Variants in NTRK2 observed in about 807,000 individuals in gnomAD.
NTRK2 encodes BDNF/NT-3 growth factors receptor.
Under a neutral mutation model 94.5 loss-of-function variants are expected in NTRK2, and 13 were observed. That is an observed-to-expected ratio of 0.14 (90% CI 0.09 to 0.22). The LOEUF (loss-of-function observed/expected upper bound fraction) is 0.22, where lower values mean the gene tolerates loss of function less well. NTRK2 is among the 10% of genes least tolerant of loss of function. The pLI, the probability that NTRK2 is intolerant of heterozygous loss-of-function variation, is 1.00. For synonymous variants in NTRK2, 372 were observed against 407.4 expected (o/e 0.91, Z 1.05); for missense variants, 639 against 1,071.2 (o/e 0.60, Z 5.63).
intron 17 of NTRK2, among the ~76,000 whole-genome samples, chr9:84,956,191 A>G (rs1387316813): frequency 6.6e-6 from 1 of 152,218 alleles, no homozygotes; most frequent in Non-Finnish European, 1.5e-5. Context: ...GGACTTTGGA[A>G]GTTCCCTCCA....
intron 14 of NTRK2, among the ~76,000 whole-genome samples, chr9:84,897,448 C>T (rs1164111955): frequency 2.0e-5 from 3 of 152,194 alleles, no homozygotes; most frequent in Non-Finnish European, 4.4e-5. Context: ...AGCCCCCGTT[C>T]TTAATCACCA....
intron 17 of NTRK2, among the ~76,000 whole-genome samples, chr9:84,965,350 C>T (rs904497904): frequency 2.0e-5 from 3 of 152,102 alleles, no homozygotes; most frequent in African/African-American, 7.2e-5. Flanking sequence ...ATTCTGTTCC[C>T]CAAGGAAAAC....
At chr9:84,908,574 A>G (rs928475963) in intron 14 of NTRK2, among the ~76,000 whole-genome samples, 1 of 152,236 alleles carries the variant, frequency 6.6e-6, no homozygotes, top group Non-Finnish European at 1.5e-5. Context: ...TGCACAATAC[A>G]CATACTCAAT....
At chr9:84,746,209 C>G (rs890259084) in intron 11 of NTRK2, among the ~76,000 whole-genome samples, 3 of 152,166 alleles carry the variant, frequency 2.0e-5, no homozygotes, top group Non-Finnish European at 4.4e-5. Flanking sequence ...TTTCATAACA[C>G]ACGAAAGTTT....
intron 14 of NTRK2, among the ~76,000 whole-genome samples, chr9:84,883,167 A>C (rs2076315264): frequency 6.6e-6 from 1 of 152,242 alleles, no homozygotes; most frequent in Non-Finnish European, 1.5e-5. Context: ...ATTGTTAAAA[A>C]GTCCCCAGAC....
chr9:84,810,749 A>G (rs956707455), intron 12 of NTRK2: 1 of 1,483,818 alleles, frequency 6.7e-7, no homozygotes. Context: ...TGAAGCCTGC[A>G]TATACTGTGA....
intron 17 of NTRK2, among the ~76,000 whole-genome samples, chr9:84,991,611 C>A (rs1331906035): frequency 6.6e-6 from 1 of 152,174 alleles, no homozygotes; most frequent in African/African-American, 2.4e-5. Flanking sequence ...CTCCCCACAT[C>A]TCTATGGTGA....
chr9:84,877,376 A>G (rs1012715909), intron 14 of NTRK2: 19 of 1,066,006 alleles, frequency 1.8e-5, no homozygotes, highest in South Asian at 4.5e-5. Context: ...ATTAGTTCAT[A>G]TGGTCCCCAT....
chr9:84,963,426 C>T (rs1825187622), intron 17 of NTRK2, among the ~76,000 whole-genome samples: 1 of 152,090 alleles, frequency 6.6e-6, no homozygotes, highest in African/African-American at 2.4e-5. Flanking sequence ...TGCAATGAGC[C>T]CCTGCCTTTA....
chr9:84,953,512 G>C (rs924403755), intron 16 of NTRK2, among the ~76,000 whole-genome samples: 1 of 152,182 alleles, frequency 6.6e-6, no homozygotes, highest in Non-Finnish European at 1.5e-5. Context: ...CACATATCCC[G>C]GAGCTTTGGC....
intron 2 of NTRK2, among the ~76,000 whole-genome samples, chr9:84,693,858 G>C (rs934073238): frequency 2.0e-5 from 3 of 152,158 alleles, no homozygotes; most frequent in African/African-American, 7.2e-5. Flanking sequence ...ACTCAAATTT[G>C]TAAATGCCCG....
At chr9:84,778,271 A>G (rs1333691345) in intron 12 of NTRK2, among the ~76,000 whole-genome samples, 2 of 152,166 alleles carry the variant, frequency 1.3e-5, no homozygotes, top group African/African-American at 4.8e-5. Context: ...TAAATAAACA[A>G]AAACAAAAAC....
intron 17 of NTRK2, among the ~76,000 whole-genome samples, chr9:84,981,147 C>T (rs955481301): frequency 2.0e-5 from 3 of 152,236 alleles, no homozygotes; most frequent in African/African-American, 4.8e-5. Flanking sequence ...GTGGTGCAAT[C>T]TCAGCTAATT....
chr9:84,985,238 T>A (rs748698551), intron 17 of NTRK2, among the ~76,000 whole-genome samples: 3 of 152,220 alleles, frequency 2.0e-5, no homozygotes, highest in Non-Finnish European at 4.4e-5. Context: ...CAAAATGAAG[T>A]TGCTCTTTCT....
intron 17 of NTRK2, among the ~76,000 whole-genome samples, chr9:84,998,468 T>G (rs1175550010): frequency 1.3e-5 from 2 of 152,156 alleles, no homozygotes; most frequent in East Asian, 3.9e-4. Context: ...AATCCAGCAC[T>G]ATGAAATCAA....
intron 12 of NTRK2, among the ~76,000 whole-genome samples, chr9:84,833,092 T>TTGGTGGTGG (rs925823939): frequency 4.8e-5 from 6 of 125,142 alleles, no homozygotes; most frequent in African/African-American, 3.1e-5. Flanking sequence ...TTGGGCCTCA[T>TTGGTGGTGG]TGGTGGTGGT....
chr9:84,968,143 T>C (rs909624668), intron 17 of NTRK2, among the ~76,000 whole-genome samples: 7 of 152,108 alleles, frequency 4.6e-5, no homozygotes, highest in African/African-American at 1.7e-4. Context: ...AAAATAATAT[T>C]CAGGGATGTG....
chr9:84,828,307 C>T (rs188556178), intron 12 of NTRK2, among the ~76,000 whole-genome samples: 4 of 152,278 alleles, frequency 2.6e-5, no homozygotes, highest in South Asian at 2.1e-4. Flanking sequence ...GCCATGACAA[C>T]GCAGAACATC....
At position 84,835,196 on chromosome 9, in the gene NTRK2, G is replaced by A. The variant is rs189492465; in HGVS notation, c.1397-25844G>A. ...TCATTTCAAGTGTGGCTATCTTTCA[G>A]AGTGGCATTTAGTAGGTGTCGCCAT... On this transcript the variant is annotated intron_variant, in intron 12 of 18. Transcript: ENST00000277120. Among the ~76,000 whole-genome samples the A allele has an allele frequency of 1.4e-4, 21 of 152,264 alleles. No homozygotes were observed. In the East Asian group the frequency reaches 4.0e-3, roughly 29 times the overall value.
Sources: gnomAD v4.1 joint callset for allele counts (sites outside exome capture counted in the v4.1 genomes callset) on GRCh38, gnomAD v4.1.1 for gene constraint, MANE v1.5 for transcripts, NCBI Gene and HGNC (gene_info 2026-07-23, HGNC 2026-07-21) for gene names.